NRG3: variants seen among roughly 807,000 people sequenced by gnomAD.
The protein encoded by NRG3 is pro-neuregulin-3, membrane-bound isoform.
A neutral mutation model predicts 66.9 loss-of-function variants in NRG3; 31 were observed. That is an observed-to-expected ratio of 0.46 (90% confidence interval 0.35 to 0.63). The LOEUF (loss-of-function observed/expected upper bound fraction) is 0.63. Among genes scored for constraint, NRG3 ranks in the 20% least tolerant of loss-of-function variants. NRG3 has a pLI of 0.00. For synonymous variants in NRG3, 393 were observed against 359.4 expected (o/e 1.09, Z -1.06); for missense variants, 910 against 878.9 (o/e 1.04, Z -0.45).
At chr10:82,230,218 AAC>A (rs2076391707) in intron 1 of NRG3, 1 of 152,178 alleles carries the variant, frequency 6.6e-6, no homozygotes, top group Non-Finnish European at 1.5e-5. Flanking sequence ...TACCTTTTAA[AAC>A]ACAGTCATCC....
At chr10:82,956,775 C>T (rs1592086230) in intron 5 of NRG3, among the ~76,000 whole-genome samples, 1 of 151,880 alleles carries the variant, frequency 6.6e-6, no homozygotes, top group South Asian at 2.1e-4. Context: ...TGCGAATGAA[C>T]CCCTGATAAA....
chr10:82,627,979 G>A (rs920256635), intron 2 of NRG3, among the ~76,000 whole-genome samples: 8 of 152,252 alleles, frequency 5.3e-5, no homozygotes, highest in Non-Finnish European at 1.2e-4. Flanking sequence ...TGAGGTGTGT[G>A]CTACTATAGT....
intron 7 of NRG3, among the ~76,000 whole-genome samples, chr10:82,976,633 A>C (rs1852280314): frequency 6.6e-6 from 1 of 151,916 alleles, no homozygotes; most frequent in Admixed American, 6.6e-5. Context: ...GCTAGTTTCT[A>C]CCTTTTTTGT....
intron 6 of NRG3, among the ~76,000 whole-genome samples, chr10:82,961,778 T>C (rs1348014450): frequency 6.6e-6 from 1 of 152,156 alleles, no homozygotes; most frequent in Non-Finnish European, 1.5e-5. Context: ...AATGGGACCA[T>C]GGGGAAGTTC....
intron 1 of NRG3, among the ~76,000 whole-genome samples, chr10:82,011,791 T>G (rs1240630618): frequency 6.6e-6 from 1 of 152,212 alleles, no homozygotes; most frequent in Admixed American, 6.5e-5. Flanking sequence ...ATCCAAGTCA[T>G]GCTGACGGAA....
intron 1 of NRG3, among the ~76,000 whole-genome samples, chr10:82,287,265 C>A (rs1233086271): frequency 3.3e-5 from 5 of 151,824 alleles, no homozygotes; most frequent in African/African-American, 9.7e-5. Flanking sequence ...AAAGTGTGGC[C>A]CCTGCCCCAC....
At chr10:82,138,517 G>A (rs1439371232) in intron 1 of NRG3, among the ~76,000 whole-genome samples, 1 of 152,080 alleles carries the variant, frequency 6.6e-6, no homozygotes, top group Non-Finnish European at 1.5e-5. Flanking sequence ...AAGTGTATTA[G>A]TCAGGTTCTC....
intron 2 of NRG3, among the ~76,000 whole-genome samples, chr10:82,385,686 G>T (rs1047383724): frequency 2.6e-5 from 4 of 152,108 alleles, no homozygotes; most frequent in African/African-American, 9.7e-5. Flanking sequence ...ATAAAGAGGG[G>T]ATTGTTGCTA....
intron 1 of NRG3, among the ~76,000 whole-genome samples, chr10:82,209,640 T>C (rs2075300793): frequency 6.6e-6 from 1 of 152,206 alleles, no homozygotes; most frequent in South Asian, 2.1e-4. Flanking sequence ...TATTTTGTTT[T>C]CTTGGGTGCT....
At chr10:82,177,398 G>A (rs2073111887) in intron 1 of NRG3, among the ~76,000 whole-genome samples, 1 of 151,990 alleles carries the variant, frequency 6.6e-6, no homozygotes, top group African/African-American at 2.4e-5. Context: ...TAAAAGAAAA[G>A]GTTACTTTGT....
At chr10:82,012,218 G>T (rs1368171285) in intron 1 of NRG3, among the ~76,000 whole-genome samples, 1 of 152,152 alleles carries the variant, frequency 6.6e-6, no homozygotes, top group Non-Finnish European at 1.5e-5. Context: ...CCATGGCTTG[G>T]GATTTGCACC....
intron 4 of NRG3, among the ~76,000 whole-genome samples, chr10:82,950,070 G>A (rs769172476): frequency 6.6e-6 from 1 of 152,016 alleles, no homozygotes; most frequent in Non-Finnish European, 1.5e-5. Flanking sequence ...TAAAAATGCC[G>A]ACATTCTGTA....
At chr10:82,179,789 G>A (rs1457121850) in intron 1 of NRG3, among the ~76,000 whole-genome samples, 2 of 151,796 alleles carry the variant, frequency 1.3e-5, no homozygotes, top group Admixed American at 6.6e-5. Context: ...TGGGGTTTTG[G>A]AAAGGACTGC....
chr10:81,986,814 ACAGGTG>A (rs2133527372), intron 1 of NRG3, among the ~76,000 whole-genome samples: 1 of 152,252 alleles, frequency 6.6e-6, no homozygotes, highest in South Asian at 2.1e-4. Context: ...CCTTCTGACT[ACAGGTG>A]CATGCCACCA....
chr10:82,133,028 A>AT (rs1219967226), intron 1 of NRG3, among the ~76,000 whole-genome samples: 2 of 150,574 alleles, frequency 1.3e-5, no homozygotes, highest in South Asian at 2.1e-4. Context: ...CATTTTGTTG[A>AT]TTTTTTGTAT....
At chr10:81,987,052 C>G (rs554259414) in intron 1 of NRG3, among the ~76,000 whole-genome samples, 2 of 151,370 alleles carry the variant, frequency 1.3e-5, no homozygotes, top group African/African-American at 4.9e-5. Context: ...CTATATTACC[C>G]TGTATAGATG....
chr10:82,428,725 A>G (rs936441865), intron 2 of NRG3, among the ~76,000 whole-genome samples: 3 of 151,818 alleles, frequency 2.0e-5, no homozygotes, highest in Admixed American at 6.6e-5. Flanking sequence ...TTAAGTCTGG[A>G]TAGTTTCTAG....
intron 6 of NRG3, among the ~76,000 whole-genome samples, chr10:82,965,993 G>A (rs1851176156): frequency 6.6e-6 from 1 of 151,996 alleles, no homozygotes; most frequent in African/African-American, 2.4e-5. Flanking sequence ...ATTTTCTTAA[G>A]CAGATCTGAT....
chr10:82,355,902 T>C (rs974062099), intron 1 of NRG3, among the ~76,000 whole-genome samples: 4 of 152,244 alleles, frequency 2.6e-5, no homozygotes, highest in African/African-American at 9.6e-5. Flanking sequence ...TTATTGTTTA[T>C]TATATTGTCA....
Sources: allele counts gnomAD v4.1 joint callset (sites outside exome capture counted in the v4.1 genomes callset), GRCh38; gene constraint gnomAD v4.1.1; transcripts MANE v1.5; gene names NCBI Gene and HGNC (gene_info 2026-07-23, HGNC 2026-07-21).